ATP10A: variants seen among roughly 807,000 people sequenced by gnomAD.
ATP10A encodes phospholipid-transporting ATPase VA.
ATP10A carries 111 observed loss-of-function variants against 147.8 expected under a neutral mutation model. That is an observed-to-expected ratio of 0.75 (90% CI 0.64 to 0.88). ATP10A has a LOEUF of 0.88. ATP10A is among the 40% of genes least tolerant of loss of function. ATP10A has a pLI of 0.00. For synonymous variants in ATP10A, 875 were observed against 841.6 expected (o/e 1.04, Z -0.69); for missense variants, 1,927 against 1,959.0 (o/e 0.98, Z 0.31).
At chr15:25,729,093 C>T (rs1324830115) in intron 3 of ATP10A, among the ~76,000 whole-genome samples, 1 of 152,214 alleles carries the variant, frequency 6.6e-6, no homozygotes, top group Non-Finnish European at 1.5e-5. Flanking sequence ...TGGGCTGAAC[C>T]GTGTCCCCTC....
intron 1 of ATP10A, chr15:25,841,590 A>AAT (rs386382499): frequency 1.3e-5 from 2 of 151,856 alleles, no homozygotes; most frequent in Non-Finnish European, 2.9e-5. Flanking sequence ...TCTACAAAAA[A>AAT]AAAAAACATT....
Position 25,681,083 on chromosome 15 carries a change from CA to C in ATP10A, c.3493-10del, listed in dbSNP as rs771205932. 1 of 1,610,180 alleles carries C rather than the reference CA, an allele frequency of 6.2e-7. No individual in the cohort carries two copies. Among genetic ancestry groups the C allele is most frequent in the East Asian group, 2.2e-5 (1 of 44,820 alleles). On this transcript the variant is annotated splice_polypyrimidine_tract_variant and intron_variant, in intron 17 of 20. Transcript: ENST00000555815. The stretch of plus-strand genomic sequence containing the variant: ...GTTCGTGGCCGGTATTCCTGGGACA[CA>C]AAAACAATCAGTGATGTTACAGTGA...
chr15:25,853,635 G>A (rs1254595874), intron 1 of ATP10A, among the ~76,000 whole-genome samples: 1 of 152,052 alleles, frequency 6.6e-6, no homozygotes, highest in African/African-American at 2.4e-5. Context: ...CCCCCCAGAT[G>A]AGACCCCTGA....
At chr15:25,820,255 T>C (rs573142375) in intron 1 of ATP10A, among the ~76,000 whole-genome samples, 146 of 152,300 alleles carry the variant, frequency 9.6e-4, no homozygotes, top group Non-Finnish European at 1.1e-3. Flanking sequence ...AAGGGGTTTG[T>C]CCACGGAAGG....
chr15:25,750,329 C>CTA (rs1407271747), intron 2 of ATP10A, among the ~76,000 whole-genome samples: 4 of 151,964 alleles, frequency 2.6e-5, no homozygotes, highest in South Asian at 2.1e-4. Flanking sequence ...ACCTAGAATT[C>CTA]TATACCCAGT....
At chr15:25,793,327 G>C (rs1274181045) in intron 1 of ATP10A, among the ~76,000 whole-genome samples, 3 of 152,122 alleles carry the variant, frequency 2.0e-5, no homozygotes, top group South Asian at 2.1e-4. Context: ...TCCCACCCAG[G>C]GCCCTGGGAG....
intron 2 of ATP10A, among the ~76,000 whole-genome samples, chr15:25,775,700 G>A (rs1889571806): frequency 6.6e-6 from 1 of 152,238 alleles, no homozygotes; most frequent in South Asian, 2.1e-4. Context: ...GGGTGTGGCT[G>A]GGATTGTGGG....
In ATP10A at chr15:25,863,245, GGCCCAGCGC is replaced by G; in HGVS notation, c.-158_-150del. 1 of 419,190 alleles carries G rather than the reference GGCCCAGCGC, an allele frequency of 2.4e-6. No individual in the cohort carries two copies. Among genetic ancestry groups the G allele is most frequent in the South Asian group, 9.9e-5 (1 of 10,092 alleles). 26.0% of individuals were successfully genotyped at this position (419,190 alleles called of 1,614,324 possible). ...ACCGCGGTCAGCGCGCCGCCTGGCCGGCCCAGCGCGCCCAGCCCGCGCCCAGCCCCGTCC... is the reference window on the plus strand; with the variant it reads ...ACCGCGGTCAGCGCGCCGCCTGGCCGGCCCAGCCCGCGCCCAGCCCCGTCC... On this transcript the variant is annotated 5_prime_UTR_variant, in exon 1 of 21. Transcript: ENST00000555815.
chr15:25,831,372 C>T (rs574601406), intron 1 of ATP10A, among the ~76,000 whole-genome samples: 40 of 152,342 alleles, frequency 2.6e-4, no homozygotes, highest in Admixed American at 2.2e-3. Context: ...ATCTCCTTGA[C>T]AACATTTTCC....
At chr15:25,694,787 G>A (rs199517777) in intron 14 of ATP10A, 32 bp downstream of exon 14, 5 of 1,568,182 alleles carry the variant, frequency 3.2e-6, no homozygotes, top group South Asian at 2.3e-5. Flanking sequence ...GTCCAGCTGG[G>A]AGGAGGCCGT....
intron 1 of ATP10A, among the ~76,000 whole-genome samples, chr15:25,855,948 T>C (rs1038396099): frequency 6.6e-6 from 1 of 152,224 alleles, no homozygotes; most frequent in African/African-American, 2.4e-5. Flanking sequence ...ACTTAGTGAA[T>C]AGCTTTGTAC....
At chr15:25,783,285 C>G (rs770653094) in intron 1 of ATP10A, among the ~76,000 whole-genome samples, 1 of 152,138 alleles carries the variant, frequency 6.6e-6, no homozygotes, top group Admixed American at 6.5e-5. Flanking sequence ...CATCCTACAC[C>G]CCCCATAAAA....
chr15:25,787,924 G>A (rs1890244282), intron 1 of ATP10A, among the ~76,000 whole-genome samples: 1 of 152,086 alleles, frequency 6.6e-6, no homozygotes, highest in South Asian at 2.1e-4. Context: ...GGCCATAGAA[G>A]GACACTGCCC....
At chr15:25,853,064 TAA>T (rs138522867) in intron 1 of ATP10A, among the ~76,000 whole-genome samples, 6 of 152,234 alleles carry the variant, frequency 3.9e-5, no homozygotes, top group African/African-American at 1.4e-4. Flanking sequence ...AATTGCCTAA[TAA>T]AAATAGTTTG....
intron 2 of ATP10A, among the ~76,000 whole-genome samples, chr15:25,766,966 C>T (rs770273225): frequency 2.0e-5 from 3 of 151,314 alleles, no homozygotes; most frequent in Non-Finnish European, 4.4e-5. Flanking sequence ...CATTCACAGG[C>T]AGACATATAC....
intron 1 of ATP10A, among the ~76,000 whole-genome samples, chr15:25,833,428 G>A (rs945290529): frequency 6.6e-6 from 1 of 152,126 alleles, no homozygotes; most frequent in African/African-American, 2.4e-5. Context: ...GAAGATGACT[G>A]GTCTGAGGCC....
intron 13 of ATP10A, among the ~76,000 whole-genome samples, chr15:25,698,159 T>C (rs1390208952): frequency 2.6e-5 from 4 of 152,184 alleles, no homozygotes; most frequent in African/African-American, 4.8e-5. Flanking sequence ...TAATGATGTA[T>C]CAACATTGGC....
chr15:25,848,897 G>A (rs1893152791), intron 1 of ATP10A: 1 of 153,704 alleles, frequency 6.5e-6, no homozygotes, highest in African/African-American at 2.4e-5. Context: ...TATTATTCAA[G>A]CACTATGGGG....
chr15:25,788,931 T>G (rs1285789956), intron 1 of ATP10A, among the ~76,000 whole-genome samples: 2 of 152,224 alleles, frequency 1.3e-5, no homozygotes, highest in African/African-American at 2.4e-5. Flanking sequence ...TTGTGCCTTA[T>G]AGATGAAACA....
Sources: allele counts gnomAD v4.1 joint callset (sites outside exome capture counted in the v4.1 genomes callset), GRCh38; gene constraint gnomAD v4.1.1; transcripts MANE v1.5; gene names NCBI Gene and HGNC (gene_info 2026-07-23, HGNC 2026-07-21).